The following HMGB1 variants were observed in gnomAD, a reference collection of about 807,000 sequenced individuals.
HMGB1 encodes high mobility group protein B1.
For missense variants in HMGB1, 79 were observed against 253.5 expected (o/e 0.31, Z 4.67); for synonymous variants, 81 against 84.0 (o/e 0.96, Z 0.19).
chr13:30,535,627 C>A (rs1268078863), intron 1 of HMGB1, among the ~76,000 whole-genome samples: 1 of 152,198 alleles, frequency 6.6e-6, no homozygotes, highest in Non-Finnish European at 1.5e-5. Flanking sequence ...CAGGGACTCA[C>A]GCCTGTAATC....
rs189240747 is a variant in HMGB1 at position 30,588,775 on chromosome 13, T to G, written c.-15+27896A>C. Among the ~76,000 whole-genome samples the G allele has an allele frequency of 3.5e-3, 534 of 151,700 alleles. 1 individual carries two copies. Among genetic ancestry groups the G allele is most frequent in the African/African-American group, 0.011 (458 of 41,382 alleles). ...CTACTAAAAATACAGAAATTAGCCGTGAATGATGGCTCGTGCCTGTAGTCC... is the reference window on the plus strand; with the variant it reads ...CTACTAAAAATACAGAAATTAGCCGGGAATGATGGCTCGTGCCTGTAGTCC... On this transcript the variant is annotated intron_variant, in intron 1 of 4. Transcript: ENST00000405805.
chr13:30,524,212 G>C (rs1029957920), intron 1 of HMGB1, among the ~76,000 whole-genome samples: 8 of 151,786 alleles, frequency 5.3e-5, no homozygotes, highest in African/African-American at 1.9e-4. Flanking sequence ...AGGGGAGGGA[G>C]AGCATTAGGA....
chr13:30,586,653 A>ATTTTTCT (rs1871168816), intron 1 of HMGB1, among the ~76,000 whole-genome samples: 1 of 151,360 alleles, frequency 6.6e-6, no homozygotes, highest in Non-Finnish European at 1.5e-5. Context: ...TACCCAGCTA[A>ATTTTTCT]TTTTTCTATT....
intron 1 of HMGB1, among the ~76,000 whole-genome samples, chr13:30,570,463 C>T (rs774449525): frequency 1.3e-5 from 2 of 152,214 alleles, no homozygotes; most frequent in Non-Finnish European, 2.9e-5. Flanking sequence ...TGAACTTCTG[C>T]ATCTTTATGA....
chr13:30,551,011 C>G (rs1366325207), intron 1 of HMGB1, among the ~76,000 whole-genome samples: 1 of 152,174 alleles, frequency 6.6e-6, no homozygotes, highest in Non-Finnish European at 1.5e-5. Flanking sequence ...TGTTAGGAGA[C>G]AGATGTTCAC....
At chr13:30,462,736 AT>A (rs1436649286) in intron 3 of HMGB1, 24 bp from the exon 4 acceptor site, 1 of 1,593,816 alleles carries the variant, frequency 6.3e-7, no homozygotes, top group Non-Finnish European at 8.6e-7. Flanking sequence ...TAATTTTAGG[AT>A]TTTAAGTTAA....
At chr13:30,536,150 G>C (rs1175015127) in intron 1 of HMGB1, among the ~76,000 whole-genome samples, 2 of 152,112 alleles carry the variant, frequency 1.3e-5, no homozygotes, top group Admixed American at 1.3e-4. Context: ...AAATTAAATA[G>C]AAGTTACTGC....
chr13:30,582,347 A>C (rs1415552427), intron 1 of HMGB1, among the ~76,000 whole-genome samples: 1 of 152,250 alleles, frequency 6.6e-6, no homozygotes, highest in Non-Finnish European at 1.5e-5. Flanking sequence ...TGGTTTAAAA[A>C]ACATCCACCA....
intron 1 of HMGB1, among the ~76,000 whole-genome samples, chr13:30,509,555 A>C (rs566430580): frequency 1.3e-5 from 2 of 152,084 alleles, no homozygotes; most frequent in East Asian, 3.9e-4. Context: ...AATATTCTTA[A>C]TTTCTATTCC....
chr13:30,606,710 T>C (rs773408443), intron 1 of HMGB1, among the ~76,000 whole-genome samples: 3 of 152,224 alleles, frequency 2.0e-5, no homozygotes, highest in Non-Finnish European at 2.9e-5. Context: ...ATACAAATAT[T>C]TGGGCTTCTA....
intron 1 of HMGB1, among the ~76,000 whole-genome samples, chr13:30,565,575 A>ACACACACCTGGAG (rs1409934482): frequency 3.3e-5 from 5 of 152,202 alleles, no homozygotes; most frequent in African/African-American, 7.2e-5. Flanking sequence ...GTTGCTTGTC[A>ACACACACCTGGAG]ATTTTTAACG....
intron 1 of HMGB1, among the ~76,000 whole-genome samples, chr13:30,485,034 C>CT (rs59990628): frequency 0.48 from 64,475 of 134,364 alleles, 17,317 homozygotes; most frequent in Non-Finnish European, 0.59. Flanking sequence ...TTTTCTTTTT[C>CT]TTTTTTTTTT....
rs774689498 is a variant in HMGB1 at position 30,465,920 on chromosome 13, C to T, written c.-139G>A. 151 of 985,974 alleles carry T rather than the reference C, an allele frequency of 1.5e-4. 1 individual carries two copies. Among genetic ancestry groups the T allele is most frequent in the East Asian group, 2.3e-4 (2 of 8,812 alleles). The allele number at this position is 985,974 out of a possible 1,614,324, so 61.1% of individuals were successfully genotyped here. ...GAGCCAGACGCAGCCTCCTCACTCT[C>T]TCCGCTCTGTAACATTACTCTCCAG... On this transcript the variant is annotated 5_prime_UTR_variant, in exon 1 of 5. Transcript: ENST00000341423.
At chr13:30,614,332 A>G (rs144727966) in intron 1 of HMGB1, among the ~76,000 whole-genome samples, 7 of 152,330 alleles carry the variant, frequency 4.6e-5, no homozygotes, top group African/African-American at 1.7e-4. Context: ...AAAACTTTTT[A>G]AAGCAGGTGG....
chr13:30,536,890 G>C (rs1868464509), intron 1 of HMGB1, among the ~76,000 whole-genome samples: 1 of 152,058 alleles, frequency 6.6e-6, no homozygotes, highest in Non-Finnish European at 1.5e-5. Context: ...CAGCATCCTC[G>C]ATCCTGCTCC....
At chr13:30,565,584 C>T (rs1426985471) in intron 1 of HMGB1, among the ~76,000 whole-genome samples, 2 of 152,128 alleles carry the variant, frequency 1.3e-5, no homozygotes, top group Non-Finnish European at 2.9e-5. Context: ...CAATTTTTAA[C>T]GCATAAGCAA....
intron 1 of HMGB1, among the ~76,000 whole-genome samples, chr13:30,582,087 C>T (rs1870923715): frequency 6.6e-6 from 1 of 152,092 alleles, no homozygotes; most frequent in Non-Finnish European, 1.5e-5. Context: ...CAAAACAAGA[C>T]ATCAGTCAAA....
intron 1 of HMGB1, among the ~76,000 whole-genome samples, chr13:30,570,339 A>G (rs1658434155): frequency 6.6e-6 from 1 of 152,266 alleles, no homozygotes; most frequent in African/African-American, 2.4e-5. Context: ...CTCATTCTCT[A>G]CAAAATTCAC....
intron 1 of HMGB1, among the ~76,000 whole-genome samples, chr13:30,549,424 C>T (rs574242889): frequency 4.5e-4 from 68 of 152,318 alleles, no homozygotes; most frequent in African/African-American, 1.5e-3. Context: ...CAGATTCTCA[C>T]GCTGTTGCCC....
Sources: gnomAD v4.1 joint callset for allele counts (sites outside exome capture counted in the v4.1 genomes callset) on GRCh38, gnomAD v4.1.1 for gene constraint, MANE v1.5 for transcripts, NCBI Gene and HGNC (gene_info 2026-07-23, HGNC 2026-07-21) for gene names.